AFMID: variants seen among roughly 807,000 people sequenced by gnomAD.
AFMID encodes the protein kynurenine formamidase.
AFMID carries 39 observed loss-of-function variants against 47.5 expected under a neutral mutation model. The observed-to-expected ratio is 0.82, with a 90% confidence interval of 0.64 to 1.07. The LOEUF is 1.07. AFMID is among the 50% of genes least tolerant of loss of function. The pLI is 0.00. For missense variants in AFMID, 375 were observed against 387.5 expected, an observed-to-expected ratio of 0.97 and a Z score of 0.27; for synonymous variants, 130 against 153.2, an observed-to-expected ratio of 0.85 and a Z score of 1.12.
chr17:78,205,256 C>G (rs530796698), intron 7 of AFMID, 66 bp downstream of exon 7: 30 of 1,517,552 alleles, frequency 2.0e-5, no homozygotes, highest in Non-Finnish European at 2.7e-5. Flanking sequence ...GGGTTTGGGC[C>G]AACTGCTTGA....
intron 2 of AFMID, among the ~76,000 whole-genome samples, chr17:78,191,937 C>T (rs564611145): frequency 5.9e-5 from 9 of 152,060 alleles, no homozygotes; most frequent in Non-Finnish European, 7.3e-5. Context: ...CTGGCTGCCT[C>T]GGCCTCCCAA....
At chr17:78,201,621 C>A (rs902037006) in intron 2 of AFMID, among the ~76,000 whole-genome samples, 21 of 152,126 alleles carry the variant, frequency 1.4e-4, no homozygotes, top group African/African-American at 4.8e-4. Flanking sequence ...TATAGTGAGA[C>A]CCTGTCCTTT....
chr17:78,204,480 G>A (rs1008526313), intron 4 of AFMID, among the ~76,000 whole-genome samples, 176 bp from the exon 5 acceptor site: 2 of 152,160 alleles, frequency 1.3e-5, no homozygotes, highest in Non-Finnish European at 2.9e-5. Context: ...CCAAGGTCCC[G>A]TAGCTAGCAT....
rs1013780789 is a variant in AFMID at position 78,190,130 on chromosome 17, GT to G, written c.64-829del. On this transcript the variant is annotated intron_variant, in intron 1 of 10. Transcript: ENST00000409257. ...GCGTGAGCCACCGCGCCCAGCCTCT[GT>G]TTTTTTTTTTCTTTTTTTAATTCTC... Among the ~76,000 whole-genome samples the G allele has an allele frequency of 1.7e-3, 241 of 145,424 alleles. 4 individuals are homozygous for G. Among genetic ancestry groups the G allele is most frequent in the Middle Eastern group, 7.1e-3 (2 of 280 alleles).
chr17:78,197,276 A>G, intron 2 of AFMID: 1 of 1,446,148 alleles, frequency 6.9e-7, no homozygotes, highest in Non-Finnish European at 9.4e-7. Flanking sequence ...GGCAGCCGGC[A>G]ATGGCCTCAC....
intron 2 of AFMID, among the ~76,000 whole-genome samples, chr17:78,199,062 C>T (rs1451906978): frequency 3.9e-5 from 6 of 152,228 alleles, no homozygotes; most frequent in East Asian, 1.9e-4. Context: ...CTCGTCAGTA[C>T]GTCAGTACGC....
intron 1 of AFMID, among the ~76,000 whole-genome samples, chr17:78,189,770 T>G (rs1464513727): frequency 3.9e-5 from 6 of 151,936 alleles, no homozygotes; most frequent in African/African-American, 1.5e-4. Flanking sequence ...TCTGCCTATC[T>G]TGGCCTCCCA....
chr17:78,202,808 A>ACTC, intron 4 of AFMID, 57 bp downstream of exon 4: 1 of 1,544,250 alleles, frequency 6.5e-7, no homozygotes, highest in Non-Finnish European at 8.7e-7. Flanking sequence ...TCCCTGGGGG[A>ACTC]CTCCTCCTCC....
At chr17:78,193,681 T>C (rs1410763675) in intron 2 of AFMID, among the ~76,000 whole-genome samples, 1 of 151,612 alleles carries the variant, frequency 6.6e-6, no homozygotes, top group East Asian at 1.9e-4. Context: ...AACCTGCCTC[T>C]ACAAAAAATT....
intron 2 of AFMID, among the ~76,000 whole-genome samples, chr17:78,195,005 AT>A (rs1198946305): frequency 6.6e-6 from 1 of 152,060 alleles, no homozygotes; most frequent in Non-Finnish European, 1.5e-5. Context: ...AAAAAAATAC[AT>A]TTTACAGTCA....
Position 78,199,309 on chromosome 17 carries a change from C to T in AFMID, c.155-3190C>T, listed in dbSNP as rs78787300. On this transcript the variant is annotated intron_variant, in intron 2 of 10. Coordinates refer to ENST00000409257, the MANE Select transcript of AFMID (RefSeq NM_001010982.5). ...TCTCAGCCCCATGCTTTTTCTTCCT[C>T]TGCCGTGTTTACCCTTCTGGAGTTG... Among the ~76,000 whole-genome samples, 869 of 152,316 alleles carry T rather than the reference C, an allele frequency of 5.7e-3. 3 individuals are homozygous for T. Among genetic ancestry groups the T allele is most frequent in the Admixed American group, 0.011 (166 of 15,292 alleles).
chr17:78,193,279 G>C (rs1281005542), intron 2 of AFMID, among the ~76,000 whole-genome samples: 2 of 150,482 alleles, frequency 1.3e-5, no homozygotes, highest in Non-Finnish European at 3.0e-5. Flanking sequence ...GCTGAGGCAG[G>C]AGAATGGTGT....
intron 1 of AFMID, chr17:78,190,756 G>T: frequency 2.0e-6 from 1 of 512,198 alleles, no homozygotes; most frequent in Non-Finnish European, 3.5e-6. Context: ...ATTCGTTTGG[G>T]GGACCTCATC....
chr17:78,189,706 G>A (rs1445523156), intron 1 of AFMID, among the ~76,000 whole-genome samples: 1 of 143,480 alleles, frequency 7.0e-6, no homozygotes, highest in Non-Finnish European at 1.6e-5. Flanking sequence ...TTTTCGTAGA[G>A]ATAGTGTTTC....
intron 2 of AFMID, chr17:78,197,243 G>A: frequency 6.5e-7 from 1 of 1,542,904 alleles, no homozygotes; most frequent in Non-Finnish European, 8.7e-7. Flanking sequence ...CTGGGGCAGG[G>A]TTGTTGGCAA....
At chr17:78,197,642 C>A in intron 2 of AFMID, 1 of 171,572 alleles carries the variant, frequency 5.8e-6, no homozygotes, top group Non-Finnish European at 1.2e-5. Context: ...ATAACCAGCT[C>A]ACGCTTGTGG....
chr17:78,193,786 G>T (rs1263751720), intron 2 of AFMID, among the ~76,000 whole-genome samples: 1 of 151,948 alleles, frequency 6.6e-6, no homozygotes, highest in Admixed American at 6.6e-5. Context: ...GACCATCCTG[G>T]CTAACACGGT....
chr17:78,205,931 G>A lies in AFMID; in HGVS notation c.781-15G>A, dbSNP rs771073336. The A allele has an allele frequency of 3.8e-5, 61 of 1,612,884 alleles. No homozygotes were observed. Among genetic ancestry groups the A allele is most frequent in the Non-Finnish European group, 5.2e-5 (61 of 1,179,266 alleles). Reference sequence around the variant, plus strand: ...CCACTGCTCAGGCCCCTCTTCCCATGTCTCCCCTGCCCAGACCCTGTGTCA... The same window carrying A: ...CCACTGCTCAGGCCCCTCTTCCCATATCTCCCCTGCCCAGACCCTGTGTCA... On this transcript the variant is annotated splice_polypyrimidine_tract_variant and intron_variant, in intron 9 of 10. Transcript: ENST00000409257.
At position 78,207,649 on chromosome 17, in the gene AFMID, A is replaced by T. The variant is rs889587739; in HGVS notation, c.*712A>T. 6.6e-6 allele frequency: 1 copy of T among 152,272 alleles called. No homozygotes were observed. The highest frequency in any genetic ancestry group is 2.4e-5 in the African/African-American group (1 of 41,462). 9.4% of individuals were successfully genotyped at this position (152,272 alleles called of 1,614,324 possible). A position where few individuals can be genotyped will look rare whatever the true frequency, so the allele number is the denominator to read the frequency against. On this transcript the variant is annotated 3_prime_UTR_variant, in exon 11 of 11. Coordinates refer to ENST00000409257, the MANE Select transcript of AFMID (RefSeq NM_001010982.5). ...GAATATTATTTCATAACATGTAAAA[A>T]TTATATAAAACGTAAATTTCCATGT...
Sources: gnomAD v4.1 joint callset for allele counts (sites outside exome capture counted in the v4.1 genomes callset) on GRCh38, gnomAD v4.1.1 for gene constraint, MANE v1.5 for transcripts, NCBI Gene and HGNC (gene_info 2026-07-23, HGNC 2026-07-21) for gene names.